Variants in SMCHD1 observed in about 807,000 individuals in gnomAD.
SMCHD1 encodes the protein structural maintenance of chromosomes flexible hinge domain-containing protein 1.
In SMCHD1, 78 loss-of-function variants were observed where a neutral mutation model predicts 254.7. The observed-to-expected ratio is 0.31, with a 90% CI of 0.26 to 0.37. SMCHD1 has a LOEUF of 0.37. Ranked by LOEUF, SMCHD1 falls within the 10% of genes least tolerant of loss-of-function variation. SMCHD1 has a pLI of 1.00. For synonymous variants in SMCHD1, 766 were observed against 794.9 expected (o/e 0.96, Z 0.61); for missense variants, 1,840 against 2,408.1 (o/e 0.76, Z 4.94).
intron 15 of SMCHD1, among the ~76,000 whole-genome samples, chr18:2,707,116 C>T (rs540260397): frequency 3.3e-5 from 5 of 152,190 alleles, no homozygotes; most frequent in Middle Eastern, 3.4e-3. Flanking sequence ...GATTAGAATT[C>T]GAGATGAGAT....
intron 1 of SMCHD1, among the ~76,000 whole-genome samples, chr18:2,662,469 ACT>A (rs112785439): frequency 9.4e-4 from 142 of 151,306 alleles, no homozygotes; most frequent in African/African-American, 3.3e-3. Flanking sequence ...ACGTGGTGAA[ACT>A]CTGTCTCTAC....
intron 5 of SMCHD1, among the ~76,000 whole-genome samples, chr18:2,680,674 T>TA (rs1293269329): frequency 6.6e-6 from 1 of 152,244 alleles, no homozygotes; most frequent in African/African-American, 2.4e-5. Flanking sequence ...ACCTAATTAT[T>TA]GAGTCTAGTG....
chr18:2,700,703 C>G, intron 11 of SMCHD1, 32 bp from the exon 12 acceptor site: 1 of 1,604,360 alleles, frequency 6.2e-7, no homozygotes, highest in Non-Finnish European at 8.5e-7. Flanking sequence ...CAACTTAATT[C>G]TTTTACTAAC....
rs368349787 is a variant in SMCHD1 at position 2,674,132 on chromosome 18, G to A, written c.625G>A (p.Gly209Ser). 27 of 1,590,838 alleles carry A rather than the reference G, an allele frequency of 1.7e-5. No homozygotes were observed. The highest frequency in any genetic ancestry group is 2.1e-5 in the Non-Finnish European group (25 of 1,170,928). Residue 209 changes from glycine to serine, a missense_variant, in exon 5 of 48, where the codon GGT becomes AGT. Transcript: ENST00000320876. The stretch of plus-strand genomic sequence containing the variant: ...TAGGTTGTCAAAATTCACAAGGCAA[G>A]GTGACTTTGAAAGGTTAGAAAACCT... ...VYRLSKFTRQ[G>S]DFESDHSGYV...
At chr18:2,774,200 G>A (rs868176923) in intron 41 of SMCHD1, among the ~76,000 whole-genome samples, 1 of 151,982 alleles carries the variant, frequency 6.6e-6, no homozygotes, top group Admixed American at 6.6e-5. Context: ...CAGTATCATG[G>A]TATTTCTTTT....
chr18:2,761,452 A>T (rs2075781962), intron 35 of SMCHD1, among the ~76,000 whole-genome samples: 2 of 152,348 alleles, frequency 1.3e-5, no homozygotes, highest in South Asian at 4.1e-4. Context: ...ATTAAAAATA[A>T]ATAGTATTTC....
At chr18:2,794,208 A>G (rs1056979215) in intron 45 of SMCHD1, among the ~76,000 whole-genome samples, 1 of 152,170 alleles carries the variant, frequency 6.6e-6, no homozygotes, top group Non-Finnish European at 1.5e-5. Context: ...TAATCCCAGC[A>G]CTTCGGGAGC....
chr18:2,729,022 G>A (rs570941174), intron 23 of SMCHD1, among the ~76,000 whole-genome samples: 22 of 150,842 alleles, frequency 1.5e-4, no homozygotes, highest in African/African-American at 5.1e-4. Context: ...AGAAAATCCA[G>A]TTAAGTAAAA....
intron 8 of SMCHD1, among the ~76,000 whole-genome samples, chr18:2,694,914 A>AG (rs1444074907): frequency 2.0e-5 from 3 of 152,158 alleles, no homozygotes; most frequent in African/African-American, 7.2e-5. Flanking sequence ...GCATTATTTG[A>AG]GGCACAGGAT....
intron 1 of SMCHD1, among the ~76,000 whole-genome samples, chr18:2,664,150 T>C (rs2073372368): frequency 6.6e-6 from 1 of 152,206 alleles, no homozygotes; most frequent in South Asian, 2.1e-4. Context: ...CATTTTTGTT[T>C]TTGTAATGTA....
chr18:2,772,696 C>G (rs1386006639), intron 41 of SMCHD1, among the ~76,000 whole-genome samples: 1 of 152,196 alleles, frequency 6.6e-6, no homozygotes, highest in Non-Finnish European at 1.5e-5. Context: ...GATGGTAAGA[C>G]TGTGGCTCGC....
Position 2,718,546 on chromosome 18 carries a change from G to T in SMCHD1, c.2458+112G>T. The T allele has an allele frequency of 4.4e-6, 4 of 906,040 alleles. No individual in the cohort carries two copies. The highest frequency in any genetic ancestry group is 6.3e-6 in the Non-Finnish European group (4 of 630,014). The allele number at this position is 906,040 out of a possible 1,614,324, so 56.1% of individuals were successfully genotyped here. A position where few individuals can be genotyped will look rare whatever the true frequency, so the allele number is the denominator to read the frequency against. ...GTTTGAACAATTGGGTAACCATCTC[G>T]ATTTTATTTTATTTTCTTACTTACT... On this transcript the variant is annotated intron_variant, in intron 19 of 47. Coordinates refer to ENST00000320876, the MANE Select transcript of SMCHD1 (RefSeq NM_015295.3). This position sits in a 1 kb window ranked among gnomAD's most constrained non-coding sequence, Gnocchi z 4.6.
intron 37 of SMCHD1, among the ~76,000 whole-genome samples, chr18:2,765,384 G>C (rs527521217): frequency 6.6e-6 from 1 of 152,006 alleles, no homozygotes; most frequent in South Asian, 2.1e-4. Flanking sequence ...ACCTTTTCTT[G>C]TATTTTTGTT....
chr18:2,712,037 C>T (rs1316751091), intron 17 of SMCHD1, among the ~76,000 whole-genome samples: 1 of 152,178 alleles, frequency 6.6e-6, no homozygotes, highest in Non-Finnish European at 1.5e-5. Flanking sequence ...CCCAGTCTTC[C>T]AGCCAGCAGA....
At chr18:2,785,377 G>A (rs1352183547) in intron 45 of SMCHD1, among the ~76,000 whole-genome samples, 2 of 152,026 alleles carry the variant, frequency 1.3e-5, no homozygotes, top group African/African-American at 2.4e-5. Context: ...GGCCGGGCTC[G>A]ATGGCTCACG....
At chr18:2,701,740 ATACTAGTG>A (rs1368448582) in intron 12 of SMCHD1, among the ~76,000 whole-genome samples, 1 of 152,190 alleles carries the variant, frequency 6.6e-6, no homozygotes, top group African/African-American at 2.4e-5. Flanking sequence ...TGAAACTAGT[ATACTAGTG>A]TACTTGTATT....
intron 1 of SMCHD1, among the ~76,000 whole-genome samples, chr18:2,662,196 T>TAAAGAAAG (rs774085734): frequency 1.3e-5 from 1 of 79,820 alleles, no homozygotes; most frequent in Non-Finnish European, 2.2e-5. Context: ...AATAAATAAA[T>TAAAGAAAG]AAATAAAGAA....
At position 2,674,214 on chromosome 18, in the gene SMCHD1, G is replaced by A. The variant is rs2073687998; in HGVS notation, c.638+69G>A. 21 of 1,285,142 alleles carry A rather than the reference G, an allele frequency of 1.6e-5. No individual in the cohort carries two copies. In the South Asian group the frequency reaches 3.0e-4, roughly 19 times the overall value. 79.6% of individuals were successfully genotyped at this position (1,285,142 alleles called of 1,614,324 possible). A position where few individuals can be genotyped will look rare whatever the true frequency, so the allele number is the denominator to read the frequency against. ...TTTAGTAAGGATAAAAAACTGGTAT[G>A]CCTTTGGATGCATATGATACATTGG... is the stretch of plus-strand genomic sequence containing the variant. On this transcript the variant is annotated intron_variant, in intron 5 of 47. Transcript: ENST00000320876.
At chr18:2,716,651 T>C (rs1013807180) in intron 17 of SMCHD1, among the ~76,000 whole-genome samples, 1 of 152,170 alleles carries the variant, frequency 6.6e-6, no homozygotes, top group Admixed American at 6.5e-5. Flanking sequence ...CCCGAAGGAA[T>C]GCTCCAGGGA....
Sources: allele counts gnomAD v4.1 joint callset (sites outside exome capture counted in the v4.1 genomes callset), GRCh38; gene constraint gnomAD v4.1.1; non-coding constraint Gnocchi (gnomAD v3.1); transcripts MANE v1.5; gene names NCBI Gene and HGNC (gene_info 2026-07-23, HGNC 2026-07-21).